The following HNRNPLL variants were observed in gnomAD, a reference collection of about 807,000 sequenced individuals.
HNRNPLL encodes heterogeneous nuclear ribonucleoprotein L-like.
Under a neutral mutation model 67.1 loss-of-function variants are expected in HNRNPLL, and 25 were observed. The observed-to-expected ratio is 0.37, with a 90% CI of 0.27 to 0.52. HNRNPLL has a LOEUF of 0.52. Among genes scored for constraint, HNRNPLL ranks in the 20% least tolerant of loss-of-function variants. HNRNPLL has a pLI of 0.90. For missense variants in HNRNPLL, 542 were observed against 673.9 expected (o/e 0.80, Z 2.17); for synonymous variants, 267 against 241.7 (o/e 1.10, Z -0.97).
chr2:38,568,453 A>G lies in HNRNPLL; in HGVS notation c.1417-10T>C. ...CATGGTCATTACACAACTGTCAAAGAAAGTAAAACTTCATTAAAAATATAG... is the reference window on the plus strand; with the variant it reads ...CATGGTCATTACACAACTGTCAAAGGAAGTAAAACTTCATTAAAAATATAG... On this transcript the variant is annotated splice_polypyrimidine_tract_variant and intron_variant, in intron 10 of 12. Coordinates refer to ENST00000449105, the MANE Select transcript of HNRNPLL (RefSeq NM_138394.4). 1 of 1,549,046 alleles carries G rather than the reference A, an allele frequency of 6.5e-7. No homozygotes were observed. Among genetic ancestry groups the G allele is most frequent in the Non-Finnish European group, 8.8e-7 (1 of 1,138,040 alleles).
intron 1 of HNRNPLL, among the ~76,000 whole-genome samples, chr2:38,595,062 G>A (rs564607328): frequency 1.1e-4 from 17 of 151,388 alleles, no homozygotes; most frequent in South Asian, 4.2e-4. Context: ...TCAGGAGTTC[G>A]AGGCTCAGGA....
intron 1 of HNRNPLL, 142 bp from the exon 2 acceptor site, chr2:38,591,790 A>G (rs1269856339): frequency 4.0e-6 from 2 of 504,988 alleles, no homozygotes; most frequent in Non-Finnish European, 7.2e-6. Flanking sequence ...AGCCTGGCCA[A>G]CATGGTGAAA....
chr2:38,565,666 C>A (rs756567014), intron 12 of HNRNPLL, among the ~76,000 whole-genome samples: 3 of 140,536 alleles, frequency 2.1e-5, no homozygotes, highest in Non-Finnish European at 4.5e-5. Context: ...AAAGTCGAGG[C>A]TGCAGTGGGC....
In HNRNPLL at chr2:38,569,120, T is replaced by C. The variant is rs75474085; in HGVS notation, c.1416+13A>G. 5.0e-3 allele frequency: 7,716 copies of C among 1,552,200 alleles called. 312 individuals are homozygous for C. In the African/African-American group the frequency reaches 0.093, roughly 19 times the overall value. On this transcript the variant is annotated intron_variant, in intron 10 of 12. Coordinates refer to ENST00000449105, the MANE Select transcript of HNRNPLL (RefSeq NM_138394.4). ...TAGCAACATTCTATACACATTTGTA[T>C]TTCAGTGCCTACCTTTGTGAAGGTC...
chr2:38,592,728 G>A (rs764214133), intron 1 of HNRNPLL, among the ~76,000 whole-genome samples: 4 of 152,292 alleles, frequency 2.6e-5, no homozygotes, highest in East Asian at 1.9e-4. Context: ...ACAAAGATCT[G>A]TATTTACAAA....
chr2:38,566,960 A>G (rs1665886916), intron 12 of HNRNPLL, among the ~76,000 whole-genome samples: 1 of 152,214 alleles, frequency 6.6e-6, no homozygotes, highest in Non-Finnish European at 1.5e-5. Flanking sequence ...AAATAAGACA[A>G]AACTGTGATA....
chr2:38,569,393 A>C, intron 9 of HNRNPLL, 59 bp from the exon 10 acceptor site: 1 of 1,214,010 alleles, frequency 8.2e-7, no homozygotes, highest in Non-Finnish European at 1.2e-6. Context: ...AGCAGCAAGT[A>C]GTCTCAGAAT....
At position 38,564,161 on chromosome 2, in the gene HNRNPLL, T is replaced by C. The variant is rs986175649; in HGVS notation, c.*21A>G. On this transcript the variant is annotated 3_prime_UTR_variant, in exon 13 of 13. Transcript: ENST00000449105. ...AAATTGTAATAAAGGTGAACATAAATTCTAACATGCTCTTCTCTTCTTATA... is the reference window on the plus strand; with the variant it reads ...AAATTGTAATAAAGGTGAACATAAACTCTAACATGCTCTTCTCTTCTTATA... 1 of 1,419,700 alleles carries C rather than the reference T, an allele frequency of 7.0e-7. No homozygotes were observed. Among genetic ancestry groups the C allele is most frequent in the Non-Finnish European group, 1.0e-6 (1 of 1,005,014 alleles). The allele number at this position is 1,419,700 out of a possible 1,614,324, so 87.9% of individuals were successfully genotyped here.
chr2:38,582,803 C>G (rs550974467), intron 4 of HNRNPLL, among the ~76,000 whole-genome samples: 1 of 151,844 alleles, frequency 6.6e-6, no homozygotes, highest in South Asian at 2.1e-4. Flanking sequence ...GCCTGTCATC[C>G]CAGCTACTTG....
chr2:38,596,069 TAA>T (rs563564457), intron 1 of HNRNPLL, among the ~76,000 whole-genome samples: 1 of 143,800 alleles, frequency 7.0e-6, no homozygotes. Context: ...TCTGTAGTGA[TAA>T]AAAAAAAAAA....
Position 38,582,078 on chromosome 2 carries a change from A to G in HNRNPLL, c.723T>C (p.Tyr241=), listed in dbSNP as rs1666550363. ...YAGCCTLKIE[Y]ARPTRLNVIR... ...TGTTGAAAAAAATATTTACCCGTGC[A>G]TATTCAATTTTTAGTGTGCAACATC... The change falls in exon 5 of 13, where the codon TAT becomes TAC. Residue 241 remains tyrosine (Y), a synonymous_variant. Coordinates refer to ENST00000449105, the MANE Select transcript of HNRNPLL (RefSeq NM_138394.4). 6.2e-7 allele frequency: 1 copy of G among 1,612,160 alleles called. No homozygotes were observed. Among genetic ancestry groups the G allele is most frequent in the South Asian group, 1.1e-5 (1 of 91,042 alleles).
chr2:38,579,210 T>G (rs1233108233), intron 6 of HNRNPLL, among the ~76,000 whole-genome samples: 1 of 152,092 alleles, frequency 6.6e-6, no homozygotes, highest in East Asian at 1.9e-4. Context: ...ATTTGCTGTA[T>G]AGTCACAGAA....
intron 1 of HNRNPLL, among the ~76,000 whole-genome samples, chr2:38,598,989 T>C (rs183580025): frequency 6.6e-6 from 1 of 152,252 alleles, no homozygotes; most frequent in South Asian, 2.1e-4. Flanking sequence ...CACAGTCTTC[T>C]AAACTTCTCC....
chr2:38,573,304 G>C lies in HNRNPLL; in HGVS notation c.998C>G (p.Ser333Cys). The C allele has an allele frequency of 6.2e-7, 1 of 1,612,352 alleles. No individual in the cohort carries two copies. The highest frequency in any genetic ancestry group is 1.1e-5 in the South Asian group (1 of 90,970). The stretch of plus-strand genomic sequence containing the variant: ...TCCACTAACCATTACAACTGAACCA[G>C]AGGGATTTCCTCCATGCATGTAAGA... ...SSSYMHGGNP[S>C]GSVVMVSGLH... The change falls in exon 8 of 13, where the codon TCT becomes TGT. Residue 333 changes from serine to cysteine, a missense_variant. Coordinates refer to ENST00000449105, the MANE Select transcript of HNRNPLL (RefSeq NM_138394.4).
Position 38,602,807 on chromosome 2 carries a change from A to C in HNRNPLL, c.-181T>G, listed in dbSNP as rs1558552942. On this transcript the variant is annotated 5_prime_UTR_variant, in exon 1 of 13. Transcript: ENST00000449105. Reference sequence around the variant, plus strand: ...GCGGCTGAGAAGCGCGGACGGACTGAGGGGGGCGCCCCGGGAGGAAGCTCT... The same window carrying C: ...GCGGCTGAGAAGCGCGGACGGACTGCGGGGGGCGCCCCGGGAGGAAGCTCT... The C allele has an allele frequency of 6.5e-7, 1 of 1,543,990 alleles. No homozygotes were observed. The highest frequency in any genetic ancestry group is 2.5e-5 in the East Asian group (1 of 39,950).
At chr2:38,579,315 C>T (rs940480946) in intron 6 of HNRNPLL, among the ~76,000 whole-genome samples, 3 of 151,780 alleles carry the variant, frequency 2.0e-5, no homozygotes, top group South Asian at 2.1e-4. Flanking sequence ...TTCTAAATGA[C>T]GAGTTAATGG....
intron 4 of HNRNPLL, among the ~76,000 whole-genome samples, chr2:38,582,947 G>C (rs1195810843): frequency 2.6e-5 from 4 of 151,880 alleles, no homozygotes; most frequent in Non-Finnish European, 5.9e-5. Flanking sequence ...ATTCTTTTAG[G>C]TCATCATTAG....
chr2:38,585,757 A>G lies in HNRNPLL; in HGVS notation c.433T>C (p.Phe145Leu), dbSNP rs559272588. ...PVYIAGQQAF[F>L]NYSTSKRITR... ...ATCCTTTTGCTTGTAGAATAGTTGA[A>G]AAAAGCCTGTTGACCAGCAATGTAC... Residue 145 changes from phenylalanine (F) to leucine (L), a missense_variant, in exon 3 of 13, where the codon TTC becomes CTC. Phe to Leu is a conservative substitution (Grantham distance 22). This residue lies in a region of HNRNPLL where 415 missense variants were observed against 575.2 expected (regional missense o/e 0.72). Transcript: ENST00000449105. 32 of 1,613,740 alleles carry G rather than the reference A, an allele frequency of 2.0e-5. No individual in the cohort carries two copies. Among genetic ancestry groups the G allele is most frequent in the Non-Finnish European group, 2.5e-5 (30 of 1,179,734 alleles).
chr2:38,589,040 T>C (rs1666854045), intron 2 of HNRNPLL, among the ~76,000 whole-genome samples: 1 of 152,308 alleles, frequency 6.6e-6, no homozygotes, highest in Non-Finnish European at 1.5e-5. Context: ...CTCCCAAATG[T>C]TGTATTGTAA....
Sources: gnomAD v4.1 joint callset for allele counts (sites outside exome capture counted in the v4.1 genomes callset) on GRCh38, gnomAD v4.1.1 for gene constraint, gnomAD v4.1.1 regional missense constraint, MANE v1.5 for transcripts, NCBI Gene and HGNC (gene_info 2026-07-23, HGNC 2026-07-21) for gene names.